The following KSR2 variants were observed in gnomAD, a reference collection of about 807,000 sequenced individuals.
The protein encoded by KSR2 is kinase suppressor of ras 2.
KSR2 carries 25 observed loss-of-function variants against 107.8 expected under a neutral mutation model. The ratio of observed to expected loss-of-function variants is 0.23; its 90% confidence interval spans 0.17 to 0.32. The LOEUF is 0.32. Ranked by LOEUF, KSR2 falls within the 10% of genes least tolerant of loss-of-function variation. The probability of loss-of-function intolerance (pLI) is 1.00; values close to 1 mark genes in which losing one functional copy is unlikely to be tolerated. For synonymous variants in KSR2, 480 were observed against 507.0 expected (o/e 0.95, Z 0.71); for missense variants, 887 against 1,268.9 (o/e 0.70, Z 4.57).
At chr12:117,848,772 AATG>A (rs1365721661) in intron 3 of KSR2, among the ~76,000 whole-genome samples, 2 of 117,800 alleles carry the variant, frequency 1.7e-5, no homozygotes, top group African/African-American at 5.7e-5. Flanking sequence ...TGATGGTGGT[AATG>A]ATGGTGGTGG....
intron 14 of KSR2, among the ~76,000 whole-genome samples, chr12:117,512,012 G>A (rs1874054156): frequency 6.6e-6 from 1 of 152,184 alleles, no homozygotes; most frequent in South Asian, 2.1e-4. Context: ...CTGGTTCAGA[G>A]GGTGAAGAGC....
chr12:117,926,266 T>C (rs1895516246), intron 1 of KSR2, among the ~76,000 whole-genome samples: 1 of 152,188 alleles, frequency 6.6e-6, no homozygotes, highest in Non-Finnish European at 1.5e-5. Context: ...GCCTTGGTTT[T>C]CTACTTAGTG....
chr12:117,941,766 C>T (rs1451502354), intron 1 of KSR2, among the ~76,000 whole-genome samples: 5 of 146,120 alleles, frequency 3.4e-5, no homozygotes, highest in Non-Finnish European at 4.5e-5. Flanking sequence ...AGCTGGGACT[C>T]GGGCATGTGC....
chr12:117,609,016 T>C (rs1881448204), intron 5 of KSR2, among the ~76,000 whole-genome samples: 1 of 152,152 alleles, frequency 6.6e-6, no homozygotes, highest in South Asian at 2.1e-4. Flanking sequence ...CCCTTACTCA[T>C]ATTCCCCTTG....
In KSR2 at chr12:117,526,651, C is replaced by A. The variant is rs921398158; in HGVS notation, c.1851+420G>T. On this transcript the variant is annotated intron_variant, in intron 13 of 19. Coordinates refer to ENST00000339824, the MANE Select transcript of KSR2 (RefSeq NM_173598.6). ...TCCATGGTTTCCAGCCAGGGCATTT[C>A]ATGTATTTCTGCAGCCACTTAGGCA... Among the ~76,000 whole-genome samples, 3 of 152,186 alleles carry A rather than the reference C, an allele frequency of 2.0e-5. No individual in the cohort carries two copies. In the South Asian group the frequency reaches 6.2e-4, roughly 32 times the overall value.
intron 4 of KSR2, among the ~76,000 whole-genome samples, chr12:117,760,256 C>T (rs937444902): frequency 6.6e-6 from 1 of 152,218 alleles, no homozygotes; most frequent in Non-Finnish European, 1.5e-5. Context: ...GCCTAATCCT[C>T]GAGTCTCACC....
intron 14 of KSR2, among the ~76,000 whole-genome samples, chr12:117,494,551 T>C (rs768909522): frequency 1.5e-4 from 23 of 152,116 alleles, no homozygotes; most frequent in Non-Finnish European, 2.6e-4. Flanking sequence ...GGCCCAGAGG[T>C]CATCTCTTAA....
intron 5 of KSR2, among the ~76,000 whole-genome samples, chr12:117,614,703 G>C (rs1197166363): frequency 2.6e-5 from 4 of 152,170 alleles, no homozygotes; most frequent in Non-Finnish European, 5.9e-5. Flanking sequence ...TTGGGGAGAG[G>C]AAAATGAATC....
chr12:117,527,547 A>C (rs1418583230), intron 12 of KSR2, among the ~76,000 whole-genome samples: 2 of 152,224 alleles, frequency 1.3e-5, no homozygotes, highest in African/African-American at 4.8e-5. Context: ...CAGATCTCCG[A>C]AGTTCACACA....
intron 18 of KSR2, 136 bp from the exon 19 acceptor site, chr12:117,469,931 A>C (rs763054679): frequency 1.5e-5 from 12 of 791,128 alleles, no homozygotes; most frequent in Non-Finnish European, 2.5e-5. Flanking sequence ...TCATCCATCC[A>C]TCCATCCATC....
intron 3 of KSR2, among the ~76,000 whole-genome samples, chr12:117,835,436 C>A (rs1892164946): frequency 6.6e-6 from 1 of 152,212 alleles, no homozygotes; most frequent in African/African-American, 2.4e-5. Flanking sequence ...CAAACCCCAA[C>A]TCAGTTATGG....
chr12:117,563,576 C>T (rs1455140744), intron 7 of KSR2, among the ~76,000 whole-genome samples: 1 of 152,072 alleles, frequency 6.6e-6, no homozygotes, highest in Admixed American at 6.5e-5. Flanking sequence ...ATTTGGCACA[C>T]AGTAGAATCT....
chr12:117,476,496 G>C lies in KSR2; in HGVS notation c.2550C>G (p.Pro850=). The change falls in exon 17 of 20, where the codon CCC becomes CCG. Residue 850 remains proline (P), a synonymous_variant. Coordinates refer to ENST00000339824, the MANE Select transcript of KSR2 (RefSeq NM_173598.6). ...CAAAGACGTCAGAGTGCTTGGAGAA[G>C]GGGAGCTTATCCTCCTCTGTGTCGG... The part of the protein sequence containing the change: ...LSPDTEEDKL[P]FSKHSDVFAL... 3 of 1,606,354 alleles carry C rather than the reference G, an allele frequency of 1.9e-6. No homozygotes were observed. The South Asian group carries it at 3.4e-5, about 18-fold the overall frequency.
rs10774929 is a variant in KSR2 at position 117,517,222 on chromosome 12, G to A, written c.2219+7630C>T. 3.5e-3 allele frequency among the ~76,000 whole-genome samples: 535 copies of A among 152,116 alleles called. 1 individual carries two copies. Among genetic ancestry groups the A allele is most frequent in the African/African-American group, 0.012 (506 of 41,480 alleles). On this transcript the variant is annotated intron_variant, in intron 14 of 19. Transcript: ENST00000339824. The stretch of plus-strand genomic sequence containing the variant: ...ATAAACTTATATTGCGTTAAACCAC[G>A]TCATGTTTTAAGACTTATTTGTTAC...
At chr12:117,710,368 A>G (rs1253804673) in intron 4 of KSR2, among the ~76,000 whole-genome samples, 1 of 152,204 alleles carries the variant, frequency 6.6e-6, no homozygotes, top group Non-Finnish European at 1.5e-5. Context: ...GCATGGAAAT[A>G]ATGGAACATT....
intron 3 of KSR2, among the ~76,000 whole-genome samples, chr12:117,820,429 G>A (rs1410856502): frequency 1.3e-5 from 2 of 152,138 alleles, no homozygotes; most frequent in African/African-American, 4.8e-5. Flanking sequence ...ATTCAGCCCA[G>A]GACAGACCTG....
chr12:117,656,347 C>T (rs545777738), intron 5 of KSR2, among the ~76,000 whole-genome samples: 6 of 152,154 alleles, frequency 3.9e-5, no homozygotes, highest in Non-Finnish European at 8.8e-5. Flanking sequence ...TGGTGGCTCA[C>T]GCCTGTAATC....
intron 3 of KSR2, among the ~76,000 whole-genome samples, chr12:117,851,722 CT>C (rs1892932098): frequency 1.3e-5 from 2 of 151,994 alleles, no homozygotes; most frequent in African/African-American, 4.8e-5. Context: ...GAAACCCCGC[CT>C]CTACTAAAAA....
intron 1 of KSR2, among the ~76,000 whole-genome samples, chr12:117,883,101 A>T (rs1372935736): frequency 6.6e-6 from 1 of 152,180 alleles, no homozygotes; most frequent in African/African-American, 2.4e-5. Flanking sequence ...CCATCCATCC[A>T]TTCAGCTATC....
Sources: allele counts gnomAD v4.1 joint callset (sites outside exome capture counted in the v4.1 genomes callset), GRCh38; gene constraint gnomAD v4.1.1; transcripts MANE v1.5; gene names NCBI Gene and HGNC (gene_info 2026-07-23, HGNC 2026-07-21).